ABCA6: variants seen among roughly 807,000 people sequenced by gnomAD.
The protein encoded by ABCA6 is ATP binding cassette subfamily A member 6.
ABCA6 carries 164 observed loss-of-function variants against 191.2 expected under a neutral mutation model. The observed-to-expected ratio is 0.86, with a 90% CI of 0.76 to 0.98. ABCA6 has a LOEUF of 0.98. Among genes scored for constraint, ABCA6 ranks in the 50% least tolerant of loss-of-function variants. The probability of loss-of-function intolerance (pLI) is 0.00; values close to 1 mark genes in which losing one functional copy is unlikely to be tolerated. For missense variants in ABCA6, 1,958 were observed against 1,894.1 expected (o/e 1.03, Z -0.63); for synonymous variants, 636 against 647.7 (o/e 0.98, Z 0.27).
intron 25 of ABCA6, chr17:69,095,150 C>T (rs1416968633): frequency 4.8e-6 from 1 of 208,984 alleles, no homozygotes; most frequent in South Asian, 9.1e-5. Flanking sequence ...CTTCTACAGA[C>T]ATCTGATCTA....
chr17:69,123,193 T>C (rs765413525), intron 10 of ABCA6, 46 bp downstream of exon 10: 1 of 1,238,700 alleles, frequency 8.1e-7, no homozygotes, highest in Non-Finnish European at 1.1e-6. Context: ...ATAATAATTC[T>C]TCAGCCTTGT....
At position 69,123,241 on chromosome 17, in the gene ABCA6, G is replaced by T; in HGVS notation, c.1434C>A (p.Ile478=). 6.8e-7 allele frequency: 1 copy of T among 1,470,052 alleles called. No homozygotes were observed. Among genetic ancestry groups the T allele is most frequent in the Non-Finnish European group, 9.1e-7 (1 of 1,097,676 alleles). The allele number at this position is 1,470,052 out of a possible 1,614,324, so 91.1% of individuals were successfully genotyped here. A position where few individuals can be genotyped will look rare whatever the true frequency, so the allele number is the denominator to read the frequency against. Residue 478 remains isoleucine (I), a splice_region_variant and synonymous_variant, in exon 10 of 39, where the codon ATC becomes ATA. Transcript: ENST00000284425. ...VAPEFQGKEA[I]RIRNVKKEYK... ...GTATTACTTATAAGTGTGATTACCT[G>T]ATGGCTTCTTTTCCTTGGAATTCAG... is the stretch of plus-strand genomic sequence containing the variant.
intron 8 of ABCA6, among the ~76,000 whole-genome samples, chr17:69,127,688 C>T (rs1379390560): frequency 6.6e-6 from 1 of 152,092 alleles, no homozygotes; most frequent in Non-Finnish European, 1.5e-5. Context: ...TAAATTGATG[C>T]AACCACTTTG....
At chr17:69,090,837 G>T (rs1033371988) in intron 26 of ABCA6, among the ~76,000 whole-genome samples, 1 of 152,154 alleles carries the variant, frequency 6.6e-6, no homozygotes, top group African/African-American at 2.4e-5. Context: ...AATGGCATTT[G>T]ACAATGCCTA....
At position 69,140,516 on chromosome 17, in the gene ABCA6, T is replaced by A. The variant is rs978814058; in HGVS notation, c.96+92A>T. On this transcript the variant is annotated intron_variant, in intron 2 of 38. Transcript: ENST00000284425. ...GAACTGGTAAAATCAATAAATCCCA[T>A]CTACTAATTAAAAGAGAACATAAGA... 3 of 608,796 alleles carry A rather than the reference T, an allele frequency of 4.9e-6. No homozygotes were observed. In the South Asian group the frequency reaches 1.3e-4, roughly 25 times the overall value. 37.7% of individuals were successfully genotyped at this position (608,796 alleles called of 1,614,324 possible). A position where few individuals can be genotyped will look rare whatever the true frequency, so the allele number is the denominator to read the frequency against.
chr17:69,101,595 C>CAA (rs528243690), intron 21 of ABCA6, among the ~76,000 whole-genome samples: 86 of 75,698 alleles, frequency 1.1e-3, no homozygotes, highest in Admixed American at 3.4e-3. Flanking sequence ...GACTCTGTCT[C>CAA]AAAAAAAAAA....
intron 10 of ABCA6, among the ~76,000 whole-genome samples, chr17:69,119,426 C>A (rs1462588799): frequency 6.6e-6 from 1 of 152,166 alleles, no homozygotes; most frequent in African/African-American, 2.4e-5. Context: ...CTATTCTTCT[C>A]TTGTTCACTG....
rs915491738 is a variant in ABCA6 at position 69,123,178 on chromosome 17, AAAT to A, written c.1436+58_1436+60del. 1.7e-5 allele frequency: 19 copies of A among 1,128,298 alleles called. No homozygotes were observed. The African/African-American group carries it at 2.3e-4, about 14-fold the overall frequency. The allele number at this position is 1,128,298 out of a possible 1,614,324, so 69.9% of individuals were successfully genotyped here. A position where few individuals can be genotyped will look rare whatever the true frequency, so the allele number is the denominator to read the frequency against. The stretch of plus-strand genomic sequence containing the variant: ...TAAAGTATAATAATAATAAAATTAA[AAAT>A]AATAATAATTCTTCAGCCTTGTGCT... On this transcript the variant is annotated intron_variant, in intron 10 of 38. Coordinates refer to ENST00000284425, the MANE Select transcript of ABCA6 (RefSeq NM_080284.3).
At chr17:69,096,895 GATAAAT>G (rs2073059676) in intron 23 of ABCA6, 94 bp from the exon 24 acceptor site, 2 of 1,082,518 alleles carry the variant, frequency 1.8e-6, no homozygotes, top group East Asian at 6.0e-5. Flanking sequence ...GAATTTTTAA[GATAAAT>G]ATAATCTAAT....
intron 34 of ABCA6, 38 bp downstream of exon 34, chr17:69,084,223 T>C (rs762680412): frequency 2.5e-6 from 4 of 1,595,260 alleles, no homozygotes; most frequent in South Asian, 1.1e-5. Flanking sequence ...CCTTCCCTAA[T>C]GTGCATGCTC....
chr17:69,091,003 T>C, intron 26 of ABCA6, 140 bp downstream of exon 26: 1 of 814,710 alleles, frequency 1.2e-6, no homozygotes, highest in Non-Finnish European at 1.8e-6. Flanking sequence ...TTTGAACATT[T>C]TCATCATCCC....
At position 69,137,482 on chromosome 17, in the gene ABCA6, G is replaced by T. The variant is rs766780752; in HGVS notation, c.115C>A (p.Leu39Ile). 2.1e-5 allele frequency: 34 copies of T among 1,612,850 alleles called. No homozygotes were observed. Among genetic ancestry groups the T allele is most frequent in the Non-Finnish European group, 2.7e-5 (32 of 1,179,524 alleles). Residue 39 changes from leucine to isoleucine, a missense_variant, in exon 3 of 39, where the codon CTT becomes ATT. Physicochemically the swap from Leu to Ile is conservative, Grantham distance 5. Transcript: ENST00000284425. Reference sequence around the variant, plus strand: ...AACAGAGCAATACACAGTCCTAGAAGTATTGAGAGGCCCCATTCCTGTAAT... The same window carrying T: ...AACAGAGCAATACACAGTCCTAGAATTATTGAGAGGCCCCATTCCTGTAAT... ...ESLLEWGLSILLGLCIALFSS... is the reference protein window; with the variant it reads ...ESLLEWGLSIILGLCIALFSS...
At chr17:69,128,512 A>C in intron 8 of ABCA6, 107 bp downstream of exon 8, 2 of 777,192 alleles carry the variant, frequency 2.6e-6, no homozygotes, top group Non-Finnish European at 3.7e-6. Flanking sequence ...CTTTAGAAAA[A>C]TTGTTTAGAA....
In ABCA6 at chr17:69,113,663, C is replaced by A. The variant is rs1568020781; in HGVS notation, c.1857G>T (p.Gln619His). ...DNLAKHLSEG[Q>H]KRKLTFGITI... ...TAATCCCAAAAGTCAGCTTTCTTTT[C>A]TGTCCTTCACTTAAATGTTTAGCAA... The change falls in exon 14 of 39, where the codon CAG becomes CAT. Residue 619 changes from glutamine to histidine, a missense_variant. By Grantham distance (24) the Gln-to-His change is conservative. Coordinates refer to ENST00000284425, the MANE Select transcript of ABCA6 (RefSeq NM_080284.3). 1 of 1,613,034 alleles carries A rather than the reference C, an allele frequency of 6.2e-7. No homozygotes were observed. Among genetic ancestry groups the A allele is most frequent in the Non-Finnish European group, 8.5e-7 (1 of 1,179,348 alleles).
chr17:69,083,286 G>C lies in ABCA6; in HGVS notation c.4401C>G (p.Leu1467=), dbSNP rs750069056. 1 of 1,607,660 alleles carries C rather than the reference G, an allele frequency of 6.2e-7. No individual in the cohort carries two copies. The highest frequency in any genetic ancestry group is 8.5e-7 in the Non-Finnish European group (1 of 1,178,392). The change falls in exon 35 of 39, where the codon CTC becomes CTG. Residue 1467 remains leucine (L), a synonymous_variant. Transcript: ENST00000284425. Reference sequence around the variant, plus strand: ...CCTCAGCCAGGTTATGGGTGGTCAGGAGGACACCTCTCTCTGTGTTTTTAA... The same window carrying C: ...CCTCAGCCAGGTTATGGGTGGTCAGCAGGACACCTCTCTCTGTGTTTTTAA... ...AVVKNTERGV[L]LTTHNLAEAE... is the part of the protein sequence containing the mutation.
chr17:69,087,334 T>C lies in ABCA6; in HGVS notation c.3819+19A>G. ...TTGAATATCTCCATTAATATCCATT[T>C]TGCCCCTTGCTTTTTTACCTCATCT... On this transcript the variant is annotated intron_variant, in intron 29 of 38. Transcript: ENST00000284425. 6.2e-7 allele frequency: 1 copy of C among 1,610,676 alleles called. No individual in the cohort carries two copies. The highest frequency in any genetic ancestry group is 1.7e-5 in the Admixed American group (1 of 59,308).
At chr17:69,103,019 T>C (rs775085287) in intron 20 of ABCA6, 51 bp from the exon 21 acceptor site, 2 of 1,160,768 alleles carry the variant, frequency 1.7e-6, no homozygotes, top group East Asian at 5.1e-5. Flanking sequence ...AAAATACATA[T>C]CAAACTTTTA....
chr17:69,107,773 AC>A lies in ABCA6; in HGVS notation c.2311del (p.Val771Ter), dbSNP rs778375379. On this transcript the variant is annotated frameshift_variant, in exon 18 of 39. Coordinates refer to ENST00000284425, the MANE Select transcript of ABCA6 (RefSeq NM_080284.3). LOFTEE classifies it high-confidence loss of function. ...SDLDKCSDQG[V>X]TGYDISMSTL... is the part of the protein sequence containing the mutation. ...TGACATGGAAATGTCATAACCTGTC[AC>A]TCCCTGGTCAGAACACTTATCCAGA... The A allele has an allele frequency of 5.0e-6, 8 of 1,612,842 alleles. No homozygotes were observed. Among genetic ancestry groups the A allele is most frequent in the Non-Finnish European group, 6.8e-6 (8 of 1,179,368 alleles).
intron 22 of ABCA6, chr17:69,098,252 A>G (rs138071814): frequency 4.0e-4 from 176 of 436,802 alleles, no homozygotes; most frequent in African/African-American, 3.4e-3. Context: ...TATTTCCAAA[A>G]GAATTGAAAG....
Sources: gnomAD v4.1 joint callset for allele counts (sites outside exome capture counted in the v4.1 genomes callset) on GRCh38, gnomAD v4.1.1 for gene constraint, MANE v1.5 for transcripts, NCBI Gene and HGNC (gene_info 2026-07-23, HGNC 2026-07-21) for gene names.